Variants in SH3BGR observed in about 807,000 individuals in gnomAD.
SH3BGR encodes the protein SH3 domain-binding glutamic acid-rich protein.
In SH3BGR, 29 loss-of-function variants were observed where a neutral mutation model predicts 24.5. The observed-to-expected ratio is 1.18, with a 90% CI of 0.88 to 1.61. The LOEUF is 1.61. Ranked by LOEUF, SH3BGR falls within the 40% of genes most tolerant of loss-of-function variation. The pLI, the probability that SH3BGR is intolerant of heterozygous loss-of-function variation, is 0.00. For missense variants in SH3BGR, 162 were observed against 205.8 expected, an observed-to-expected ratio of 0.79 and a Z score of 1.30; for synonymous variants, 55 against 65.7, an observed-to-expected ratio of 0.84 and a Z score of 0.79.
At chr21:39,449,690 AG>A (rs1226586898), upstream of SH3BGR, among the ~76,000 whole-genome samples, 1 of 152,224 alleles carries the variant, frequency 6.6e-6, no homozygotes, top group Non-Finnish European at 1.5e-5. Flanking sequence ...ATTTGAGGGT[AG>A]CATCTCAGGA....
At chr21:39,494,084 A>T (rs1325461473) in intron 3 of SH3BGR, among the ~76,000 whole-genome samples, 1 of 152,184 alleles carries the variant, frequency 6.6e-6, no homozygotes, top group African/African-American at 2.4e-5. Flanking sequence ...ACTTAATGTT[A>T]TAACACTTTC....
intron 3 of SH3BGR, among the ~76,000 whole-genome samples, chr21:39,489,565 T>C (rs538663877): frequency 7.9e-5 from 12 of 152,156 alleles, no homozygotes; most frequent in Non-Finnish European, 1.6e-4. Context: ...CAGTGAGCAC[T>C]GAGTTGGGTG....
At chr21:39,458,353 A>C (rs1054738861) in intron 1 of SH3BGR, among the ~76,000 whole-genome samples, 7 of 151,968 alleles carry the variant, frequency 4.6e-5, no homozygotes, top group African/African-American at 1.7e-4. Flanking sequence ...TTTTTTTAAA[A>C]TTTGAGACAG....
Position 39,462,524 on chromosome 21 carries a change from G to T in SH3BGR, c.195G>T (p.Leu65Phe). The T allele has an allele frequency of 6.2e-7, 1 of 1,603,776 alleles. No homozygotes were observed. Among genetic ancestry groups the T allele is most frequent in the Non-Finnish European group, 8.5e-7 (1 of 1,177,786 alleles). ...GEKKPQNGIP[L>F]PPQIFNEEQY... Reference sequence around the variant, plus strand: ...AAAAACCTCAAAATGGGATTCCTTTGCCTCCCCAGATCTTCAATGAGGAGC... The same window carrying T: ...AAAAACCTCAAAATGGGATTCCTTTTCCTCCCCAGATCTTCAATGAGGAGC... The change falls in exon 2 of 7, where the codon TTG becomes TTT. Residue 65 changes from leucine (L) to phenylalanine (F), a missense_variant. Coordinates refer to ENST00000333634, the MANE Select transcript of SH3BGR (RefSeq NM_007341.3).
chr21:39,503,032 G>C (rs1203602074), intron 4 of SH3BGR, among the ~76,000 whole-genome samples: 1 of 149,228 alleles, frequency 6.7e-6, no homozygotes, highest in African/African-American at 2.5e-5. Flanking sequence ...CACCCCATTA[G>C]CCTAAGGTTT....
chr21:39,510,698 C>G (rs2078672491), intron 5 of SH3BGR, among the ~76,000 whole-genome samples: 1 of 151,738 alleles, frequency 6.6e-6, no homozygotes, highest in African/African-American at 2.4e-5. Context: ...TTGTTTCTCT[C>G]TTGCTAGGCC....
intron 6 of SH3BGR, among the ~76,000 whole-genome samples, chr21:39,513,333 A>G (rs2078729473): frequency 6.6e-6 from 1 of 152,166 alleles, no homozygotes; most frequent in Non-Finnish European, 1.5e-5. Flanking sequence ...GGAAGAAGAA[A>G]TCTTTGGTGC....
At chr21:39,459,232 CT>C (rs34104540) in intron 1 of SH3BGR, among the ~76,000 whole-genome samples, 118 of 145,602 alleles carry the variant, frequency 8.1e-4, no homozygotes, top group Non-Finnish European at 8.1e-4. Flanking sequence ...CTTTTTCTTT[CT>C]TTTTTTTTTT....
upstream of SH3BGR, chr21:39,451,919 G>A: frequency 6.2e-7 from 1 of 1,614,080 alleles, no homozygotes; most frequent in South Asian, 1.1e-5. Context: ...TGCCTCTGCT[G>A]CTCCTTGGAG....
intron 6 of SH3BGR, among the ~76,000 whole-genome samples, chr21:39,514,369 ATTTAT>A (rs1054947718): frequency 2.0e-5 from 3 of 151,780 alleles, no homozygotes; most frequent in African/African-American, 7.3e-5. Context: ...TTATTTATTT[ATTTAT>A]TTTATTTTTT....
intron 2 of SH3BGR, among the ~76,000 whole-genome samples, chr21:39,472,301 C>T (rs1260583430): frequency 1.3e-5 from 2 of 152,032 alleles, no homozygotes. Context: ...CTGAAGGTAT[C>T]CCAGGAGCAA....
chr21:39,458,209 CT>C (rs2077695636), intron 1 of SH3BGR, among the ~76,000 whole-genome samples: 1 of 36,532 alleles, frequency 2.7e-5, no homozygotes, highest in Non-Finnish European at 6.6e-5. Flanking sequence ...CTCTTGTGCT[CT>C]GTAAAACATT....
At chr21:39,457,918 C>G (rs1323484109) in intron 1 of SH3BGR, among the ~76,000 whole-genome samples, 1 of 151,850 alleles carries the variant, frequency 6.6e-6, no homozygotes, top group African/African-American at 2.4e-5. Context: ...GAGGGAGACC[C>G]TGTGTCAAAA....
At position 39,511,120 on chromosome 21, in the gene SH3BGR, A is replaced by G. The variant is rs1331116546; in HGVS notation, c.436-560A>G. ...TGATTTTTTTTATGTGTGTGTATGT[A>G]TGTGTGGTATGTGTGGTGTGTTGTA... On this transcript the variant is annotated intron_variant, in intron 5 of 6. Transcript: ENST00000333634. The surrounding 1 kb of genome is among the most constrained non-coding windows in gnomAD (Gnocchi z 4.2). Among the ~76,000 whole-genome samples the G allele has an allele frequency of 1.3e-5, 2 of 150,738 alleles. No individual in the cohort carries two copies. Among genetic ancestry groups the G allele is most frequent in the Non-Finnish European group, 3.0e-5 (2 of 67,590 alleles).
At chr21:39,506,682 C>T (rs4818044) in intron 4 of SH3BGR, among the ~76,000 whole-genome samples, 63,226 of 151,968 alleles carry the variant, frequency 0.42, 16,000 homozygotes, top group East Asian at 0.68. Context: ...GAACCCGCCC[C>T]CCTGATTCAG....
At chr21:39,507,090 T>G (rs1324172239) in intron 4 of SH3BGR, among the ~76,000 whole-genome samples, 1 of 152,122 alleles carries the variant, frequency 6.6e-6, no homozygotes, top group African/African-American at 2.4e-5. Context: ...TCCTGCACAT[T>G]ATTTGAGCAC....
At chr21:39,499,154 A>T (rs2078447363) in intron 3 of SH3BGR, among the ~76,000 whole-genome samples, 1 of 151,568 alleles carries the variant, frequency 6.6e-6, no homozygotes, top group Non-Finnish European at 1.5e-5. Context: ...CTCTCTTGAC[A>T]TGTGGGGATT....
At position 39,511,097 on chromosome 21, in the gene SH3BGR, AT is replaced by A. The variant is rs11356530; in HGVS notation, c.436-575del. 0.42 allele frequency among the ~76,000 whole-genome samples: 62,817 copies of A among 150,656 alleles called. 15,913 individuals carry two copies. The highest frequency in any genetic ancestry group is 0.68 in the East Asian group (3,448 of 5,098). On this transcript the variant is annotated intron_variant, in intron 5 of 6. Coordinates refer to ENST00000333634, the MANE Select transcript of SH3BGR (RefSeq NM_007341.3). The surrounding 1 kb of genome is among the most constrained non-coding windows in gnomAD (Gnocchi z 4.2). Reference sequence around the variant, plus strand: ...TGAGGACTCTGTGTTTAGAAGGATGATTTTTTTTATGTGTGTGTATGTATGT... The same window carrying A: ...TGAGGACTCTGTGTTTAGAAGGATGATTTTTTTATGTGTGTGTATGTATGT...
intron 2 of SH3BGR, among the ~76,000 whole-genome samples, chr21:39,473,748 G>A (rs2077980192): frequency 6.6e-6 from 1 of 151,946 alleles, no homozygotes; most frequent in African/African-American, 2.4e-5. Context: ...AGCTGGGCAT[G>A]ATGGCATGCA....
Sources: gnomAD v4.1 joint callset for allele counts (sites outside exome capture counted in the v4.1 genomes callset) on GRCh38, gnomAD v4.1.1 for gene constraint, Gnocchi (gnomAD v3.1) non-coding constraint, MANE v1.5 for transcripts, NCBI Gene and HGNC (gene_info 2026-07-23, HGNC 2026-07-21) for gene names.